SEMA6D: variants seen among roughly 807,000 people sequenced by gnomAD.
The protein encoded by SEMA6D is semaphorin 6D.
Under a neutral mutation model 106.6 loss-of-function variants are expected in SEMA6D, and 35 were observed. The ratio of observed to expected loss-of-function variants is 0.33; its 90% CI spans 0.25 to 0.44. The LOEUF (loss-of-function observed/expected upper bound fraction) is 0.44, where lower values mean the gene tolerates loss of function less well. Ranked by LOEUF, SEMA6D falls within the 20% of genes least tolerant of loss-of-function variation. The pLI, the probability that SEMA6D is intolerant of heterozygous loss-of-function variation, is 1.00. For synonymous variants in SEMA6D, 499 were observed against 487.7 expected, an observed-to-expected ratio of 1.02 and a Z score of -0.31; for missense variants, 1,185 against 1,345.9, an observed-to-expected ratio of 0.88 and a Z score of 1.87.
chr15:47,466,023 G>T (rs1400485953), intron 2 of SEMA6D, among the ~76,000 whole-genome samples: 1 of 152,064 alleles, frequency 6.6e-6, no homozygotes, highest in Non-Finnish European at 1.5e-5. Flanking sequence ...AGCTTTATAG[G>T]TGGTATAATT....
intron 4 of SEMA6D, among the ~76,000 whole-genome samples, chr15:47,694,480 T>G (rs932944454): frequency 1.3e-5 from 2 of 152,064 alleles, no homozygotes; most frequent in Admixed American, 6.6e-5. Context: ...AAAAAAAGCT[T>G]CTTTCTTATT....
intron 3 of SEMA6D, among the ~76,000 whole-genome samples, chr15:47,502,192 A>G (rs907814339): frequency 2.6e-5 from 4 of 152,196 alleles, no homozygotes; most frequent in Admixed American, 6.5e-5. Context: ...ACACTTAATC[A>G]TATTCGGCTC....
intron 4 of SEMA6D, among the ~76,000 whole-genome samples, chr15:47,618,974 A>G (rs928040487): frequency 1.3e-5 from 2 of 152,178 alleles, no homozygotes; most frequent in Non-Finnish European, 2.9e-5. Flanking sequence ...AGGGAGGTAA[A>G]GCTGGCATTT....
At chr15:47,587,217 C>T (rs191008518) in intron 3 of SEMA6D, among the ~76,000 whole-genome samples, 1 of 151,978 alleles carries the variant, frequency 6.6e-6, no homozygotes, top group Non-Finnish European at 1.5e-5. Context: ...AAGGCCCCCT[C>T]TGCCCTACCT....
intron 3 of SEMA6D, among the ~76,000 whole-genome samples, chr15:47,598,479 G>A (rs1040652056): frequency 6.6e-6 from 1 of 152,084 alleles, no homozygotes; most frequent in Non-Finnish European, 1.5e-5. Context: ...TCTGAACTGG[G>A]AAAGCACAAG....
intron 4 of SEMA6D, among the ~76,000 whole-genome samples, chr15:47,609,945 C>G (rs1045958251): frequency 1.3e-5 from 2 of 152,228 alleles, no homozygotes; most frequent in African/African-American, 4.8e-5. Context: ...CATGTGTGCT[C>G]TGTTCTGCCT....
At chr15:47,297,086 G>T (rs7181400) in intron 1 of SEMA6D, among the ~76,000 whole-genome samples, 4,744 of 152,158 alleles carry the variant, frequency 0.031, 181 homozygotes, top group African/African-American at 0.091. Flanking sequence ...CACACAAACC[G>T]CAGCCAGAAT....
chr15:47,666,662 CA>C (rs989889857), intron 4 of SEMA6D, among the ~76,000 whole-genome samples: 2 of 152,120 alleles, frequency 1.3e-5, no homozygotes, highest in African/African-American at 2.4e-5. Flanking sequence ...TTAGAGTTAT[CA>C]AAATACAGCT....
At chr15:47,428,446 ATT>A (rs2041419875) in intron 2 of SEMA6D, among the ~76,000 whole-genome samples, 1 of 105,722 alleles carries the variant, frequency 9.5e-6, no homozygotes. Flanking sequence ...GTAAAAAAGT[ATT>A]TAGGCGCAGA....
At chr15:47,486,674 C>G (rs770569069) in intron 3 of SEMA6D, among the ~76,000 whole-genome samples, 1 of 152,234 alleles carries the variant, frequency 6.6e-6, no homozygotes, top group African/African-American at 2.4e-5. Context: ...AGAGCATACT[C>G]ATATGTTAAT....
At chr15:47,316,420 CTACTTCCAG>C (rs2036679960) in intron 1 of SEMA6D, among the ~76,000 whole-genome samples, 1 of 151,952 alleles carries the variant, frequency 6.6e-6, no homozygotes, top group South Asian at 2.1e-4. Context: ...GCCTGAGCTA[CTACTTCCAG>C]TATAGTGTTT....
chr15:47,416,950 T>C (rs1051068681), intron 2 of SEMA6D, among the ~76,000 whole-genome samples: 5 of 152,108 alleles, frequency 3.3e-5, no homozygotes, highest in African/African-American at 4.8e-5. Context: ...TGTAATAAAG[T>C]CAAAAGCAAA....
At position 47,345,022 on chromosome 15, in the gene SEMA6D, A is replaced by G. The variant is rs76619558; in HGVS notation, c.-238-67371A>G. Reference sequence around the variant, plus strand: ...ATGCATAATTTAAACCCTGAAAACTAGATTTCAGTTGGCTGATAAAAACTA... The same window carrying G: ...ATGCATAATTTAAACCCTGAAAACTGGATTTCAGTTGGCTGATAAAAACTA... On this transcript the variant is annotated intron_variant, in intron 1 of 19. Coordinates refer to the SEMA6D transcript ENST00000558014. Among the ~76,000 whole-genome samples, 5 of 152,306 alleles carry G rather than the reference A, an allele frequency of 3.3e-5. No individual in the cohort carries two copies. The East Asian group carries it at 9.6e-4, about 29-fold the overall frequency.
chr15:47,552,905 T>TTTTTATATATATATATATATAA (rs1555389727), intron 3 of SEMA6D, among the ~76,000 whole-genome samples: 1 of 94,838 alleles, frequency 1.1e-5, no homozygotes, highest in African/African-American at 4.0e-5. Context: ...TATATATATA[T>TTTTTATATATATATATATATAA]AAATATATAT....
chr15:47,255,500 T>C (rs972672502), intron 1 of SEMA6D, among the ~76,000 whole-genome samples: 6 of 152,120 alleles, frequency 3.9e-5, no homozygotes, highest in Admixed American at 6.5e-5. Context: ...TTCGTGTTTT[T>C]CCAGTTCCTT....
Position 47,454,599 on chromosome 15 carries a change from G to GCACACGCACACACACA in SEMA6D, c.-158-15870_-158-15869insGCACACACACACACAC, listed in dbSNP as rs1555442705. 2.2e-3 allele frequency among the ~76,000 whole-genome samples: 323 copies of GCACACGCACACACACA among 148,984 alleles called. 2 individuals are homozygous for GCACACGCACACACACA. Among genetic ancestry groups the GCACACGCACACACACA allele is most frequent in the African/African-American group, 7.7e-3 (311 of 40,466 alleles). On this transcript the variant is annotated intron_variant, in intron 2 of 19. Coordinates refer to the SEMA6D transcript ENST00000558014. ...GAGAGTTTACCATCCTTGCACATGT[G>GCACACGCACACACACA]CACACACACACACACACACACACAC...
intron 2 of SEMA6D, among the ~76,000 whole-genome samples, chr15:47,441,547 G>A (rs77691602): frequency 1.3e-3 from 199 of 152,112 alleles, no homozygotes; most frequent in Middle Eastern, 3.4e-3. Context: ...ATGTTTACAG[G>A]CAGGAGTTTC....
chr15:47,576,922 A>G (rs926879691), intron 3 of SEMA6D, among the ~76,000 whole-genome samples: 18 of 152,142 alleles, frequency 1.2e-4, no homozygotes, highest in African/African-American at 4.3e-4. Flanking sequence ...TTATATATGC[A>G]TATATGTTTG....
chr15:47,351,305 A>G (rs900497470), intron 1 of SEMA6D, among the ~76,000 whole-genome samples: 2 of 152,166 alleles, frequency 1.3e-5, no homozygotes, highest in African/African-American at 4.8e-5. Flanking sequence ...ACCACTACTT[A>G]TTGTAAACTA....
Sources: gnomAD v4.1 joint callset for allele counts (sites outside exome capture counted in the v4.1 genomes callset) on GRCh38, gnomAD v4.1.1 for gene constraint, MANE v1.5 for transcripts, NCBI Gene and HGNC (gene_info 2026-07-23, HGNC 2026-07-21) for gene names.